UNC5D: variants seen among roughly 807,000 people sequenced by gnomAD.
UNC5D encodes unc-5 netrin receptor D, also known as netrin receptor UNC5D.
UNC5D carries 39 observed loss-of-function variants against 105.4 expected under a neutral mutation model. The observed-to-expected ratio is 0.37, with a 90% CI of 0.29 to 0.48. UNC5D has a LOEUF of 0.48. UNC5D is among the 20% of genes least tolerant of loss of function. The pLI is 0.98. For synonymous variants in UNC5D, 452 were observed against 450.4 expected, an observed-to-expected ratio of 1.00 and a Z score of -0.04; for missense variants, 991 against 1,202.4, an observed-to-expected ratio of 0.82 and a Z score of 2.60.
intron 1 of UNC5D, among the ~76,000 whole-genome samples, chr8:35,275,613 T>C (rs1478682104): frequency 6.6e-6 from 1 of 152,228 alleles, no homozygotes; most frequent in Admixed American, 6.5e-5. Context: ...CGGTTGTATT[T>C]TGACAAGCAT....
chr8:35,679,749 AAAG>A (rs146340580), intron 4 of UNC5D, among the ~76,000 whole-genome samples: 2,870 of 152,310 alleles, frequency 0.019, 42 homozygotes, highest in Non-Finnish European at 0.025. Context: ...AAAGTCCTAG[AAAG>A]AAGATCATGG....
intron 1 of UNC5D, among the ~76,000 whole-genome samples, chr8:35,444,880 G>A (rs1337795547): frequency 1.3e-5 from 2 of 151,980 alleles, no homozygotes; most frequent in Non-Finnish European, 2.9e-5. Flanking sequence ...ATTTTAAAAG[G>A]TGGAAGCCAC....
intron 15 of UNC5D, among the ~76,000 whole-genome samples, chr8:35,770,914 C>G (rs1801984306): frequency 6.6e-6 from 1 of 152,120 alleles, no homozygotes; most frequent in South Asian, 2.1e-4. Context: ...CTGCTTATCT[C>G]AGATGTGCAG....
rs555096592 is a variant in UNC5D, at chr8:35,710,246, T to C, written c.1117+4285T>C. Among the ~76,000 whole-genome samples the C allele has an allele frequency of 1.2e-4, 18 of 152,306 alleles. No individual in the cohort carries two copies. In the South Asian group the frequency reaches 3.7e-3, roughly 32 times the overall value. On this transcript the variant is annotated intron_variant, in intron 8 of 16. Coordinates refer to ENST00000404895, the MANE Select transcript of UNC5D (RefSeq NM_080872.4). ...CAAGAGGAATTGTAAAAATGGGTCA[T>C]ATTCTGGATGTCTTTTGATGTCAGA... is the stretch of plus-strand genomic sequence containing the variant.
intron 1 of UNC5D, among the ~76,000 whole-genome samples, chr8:35,303,361 T>A (rs1225636415): frequency 1.3e-5 from 2 of 152,150 alleles, no homozygotes; most frequent in African/African-American, 4.8e-5. Flanking sequence ...GAATAAAATG[T>A]ATAATTCAGC....
intron 1 of UNC5D, among the ~76,000 whole-genome samples, chr8:35,508,489 C>T (rs1388167211): frequency 6.6e-6 from 1 of 152,234 alleles, no homozygotes; most frequent in African/African-American, 2.4e-5. Flanking sequence ...GGATCACTTG[C>T]ATCAAGCTAC....
At chr8:35,238,562 A>G (rs1401085984) in intron 1 of UNC5D, among the ~76,000 whole-genome samples, 1 of 152,190 alleles carries the variant, frequency 6.6e-6, no homozygotes, top group African/African-American at 2.4e-5. Flanking sequence ...AACTGAATCC[A>G]CATCATGTTG....
chr8:35,481,508 C>T (rs1810479440), intron 1 of UNC5D, among the ~76,000 whole-genome samples: 1 of 152,220 alleles, frequency 6.6e-6, no homozygotes, highest in South Asian at 2.1e-4. Context: ...TCAGCCCCTA[C>T]ATGCTTAACA....
intron 1 of UNC5D, among the ~76,000 whole-genome samples, chr8:35,395,831 A>T (rs1804062889): frequency 6.6e-6 from 1 of 152,152 alleles, no homozygotes; most frequent in South Asian, 2.1e-4. Flanking sequence ...CACAGTCCTC[A>T]CATGTCTTGT....
intron 11 of UNC5D, among the ~76,000 whole-genome samples, chr8:35,747,466 C>T (rs1444440918): frequency 1.3e-5 from 2 of 152,150 alleles, no homozygotes; most frequent in African/African-American, 4.8e-5. Context: ...AAGTATTTAA[C>T]TGTCCTTCCT....
At chr8:35,308,944 C>T (rs1808654953) in intron 1 of UNC5D, among the ~76,000 whole-genome samples, 1 of 152,084 alleles carries the variant, frequency 6.6e-6, no homozygotes, top group Non-Finnish European at 1.5e-5. Flanking sequence ...GGACATGAAG[C>T]TTGTGTCAAC....
intron 4 of UNC5D, among the ~76,000 whole-genome samples, chr8:35,677,196 G>A (rs1825296502): frequency 6.6e-6 from 1 of 151,986 alleles, no homozygotes; most frequent in African/African-American, 2.4e-5. Context: ...AAAAGCAAAA[G>A]AGATTATTAA....
At chr8:35,553,895 C>T (rs1161522568) in intron 2 of UNC5D, among the ~76,000 whole-genome samples, 1 of 152,086 alleles carries the variant, frequency 6.6e-6, no homozygotes, top group African/African-American at 2.4e-5. Flanking sequence ...GAGTGAATGA[C>T]ACTGAGAAGC....
chr8:35,419,547 T>C (rs547846549), intron 1 of UNC5D, among the ~76,000 whole-genome samples: 10 of 152,318 alleles, frequency 6.6e-5, no homozygotes, highest in African/African-American at 2.4e-4. Context: ...TGGCTTTTGC[T>C]TGGGGAGTCC....
chr8:35,356,468 C>A (rs1456364874), intron 1 of UNC5D, among the ~76,000 whole-genome samples: 2 of 152,028 alleles, frequency 1.3e-5, no homozygotes, highest in Non-Finnish European at 2.9e-5. Context: ...AATTTAATAC[C>A]TTTTCTGTCT....
At chr8:35,314,444 A>G (rs1304911547) in intron 1 of UNC5D, among the ~76,000 whole-genome samples, 1 of 152,160 alleles carries the variant, frequency 6.6e-6, no homozygotes, top group African/African-American at 2.4e-5. Context: ...CCTAGAAAAC[A>G]TCCATATCAT....
At chr8:35,619,539 G>A (rs1466556720) in intron 4 of UNC5D, among the ~76,000 whole-genome samples, 1 of 152,138 alleles carries the variant, frequency 6.6e-6, no homozygotes, top group Non-Finnish European at 1.5e-5. Context: ...GCCATTGAGC[G>A]ACTTGCTTCT....
At chr8:35,465,907 G>C (rs1367466208) in intron 1 of UNC5D, among the ~76,000 whole-genome samples, 1 of 152,142 alleles carries the variant, frequency 6.6e-6, no homozygotes, top group Non-Finnish European at 1.5e-5. Flanking sequence ...TCATTTTGAA[G>C]GTGGAGGAAG....
chr8:35,297,543 A>C (rs1182258463), intron 1 of UNC5D, among the ~76,000 whole-genome samples: 1 of 152,140 alleles, frequency 6.6e-6, no homozygotes, highest in African/African-American at 2.4e-5. Flanking sequence ...CAGGAAGCTA[A>C]GGAGCCAAAG....
Sources: allele counts gnomAD v4.1 joint callset (sites outside exome capture counted in the v4.1 genomes callset), GRCh38; gene constraint gnomAD v4.1.1; transcripts MANE v1.5; gene names NCBI Gene and HGNC (gene_info 2026-07-23, HGNC 2026-07-21).